CELSR3: variants seen among roughly 807,000 people sequenced by gnomAD.
CELSR3 encodes EGF-like protein 1.
In CELSR3, 73 loss-of-function variants were observed where a neutral mutation model predicts 270.0. The ratio of observed to expected loss-of-function variants is 0.27; its 90% CI spans 0.22 to 0.33. The LOEUF (loss-of-function observed/expected upper bound fraction) is 0.33, where lower values mean the gene tolerates loss of function less well. Among genes scored for constraint, CELSR3 ranks in the 10% least tolerant of loss-of-function variants. The pLI, the probability that CELSR3 is intolerant of heterozygous loss-of-function variation, is 1.00. For missense variants in CELSR3, 3,614 were observed against 4,533.8 expected, an observed-to-expected ratio of 0.80 and a Z score of 5.83; for synonymous variants, 1,780 against 1,905.4, an observed-to-expected ratio of 0.93 and a Z score of 1.71.
rs1575537721 is a variant in CELSR3 at position 48,640,940 on chromosome 3, G to T, written c.9026-381C>A. ...GTCCCCAGGTCCCTGTGATGCAAGG[G>T]TGAGGGCAGAAACCTCTTCTCCGGG... is the stretch of plus-strand genomic sequence containing the variant. On this transcript the variant is annotated intron_variant, in intron 33 of 34. Coordinates refer to ENST00000164024, the MANE Select transcript of CELSR3 (RefSeq NM_001407.3). This position sits in a 1 kb window ranked among gnomAD's most constrained non-coding sequence, Gnocchi z 7.5. 4 of 383,718 alleles carry T rather than the reference G, an allele frequency of 1.0e-5. No individual in the cohort carries two copies. The East Asian group carries it at 1.9e-4, about 18-fold the overall frequency. 23.8% of individuals were successfully genotyped at this position (383,718 alleles called of 1,614,324 possible). A position where few individuals can be genotyped will look rare whatever the true frequency, so the allele number is the denominator to read the frequency against.
chr3:48,639,909 C>T lies in CELSR3; in HGVS notation c.9676G>A (p.Ala3226Thr), dbSNP rs1301728430. 1 of 1,613,068 alleles carries T rather than the reference C, an allele frequency of 6.2e-7. No individual in the cohort carries two copies. The highest frequency in any genetic ancestry group is 1.1e-5 in the South Asian group (1 of 91,090). Residue 3226 changes from alanine to threonine, a missense_variant, in exon 34 of 35, where the codon GCT (alanine) becomes ACT (threonine). Ala to Thr is a moderately conservative substitution (Grantham distance 58). This residue lies in a region of CELSR3 where 1,240 missense variants were observed against 1,351.7 expected (regional missense o/e 0.92). Coordinates refer to ENST00000164024, the MANE Select transcript of CELSR3 (RefSeq NM_001407.3). This position sits in a 1 kb window ranked among gnomAD's most constrained non-coding sequence, Gnocchi z 4.1. The part of the protein sequence containing the change: ...ALGPLPQLLR[A>T]REDSVSGPSH... ...GGGCCACTGACCGAGTCCTCCCTAGCTCTGAGCAGCTGCGGGAGTGGCCCA... is the reference window on the plus strand; with the variant it reads ...GGGCCACTGACCGAGTCCTCCCTAGTTCTGAGCAGCTGCGGGAGTGGCCCA...
rs1458255296 is a variant in CELSR3 at position 48,654,313 on chromosome 3, C to T, written c.5128G>A (p.Val1710Ile). Residue 1710 changes from valine (V) to isoleucine (I), a missense_variant, in exon 7 of 35, where the codon GTC (valine) becomes ATC (isoleucine). Val to Ile is a conservative substitution (Grantham distance 29, BLOSUM62 3). Coordinates refer to ENST00000164024, the MANE Select transcript of CELSR3 (RefSeq NM_001407.3). This position sits in a 1 kb window ranked among gnomAD's most constrained non-coding sequence, Gnocchi z 5.4. ...DGRRVDMAAFVANNGTMAGCQ... is the reference protein window; with the variant it reads ...DGRRVDMAAFIANNGTMAGCQ... ...CCTGCCATGGTGCCATTATTTGCGA[C>T]AAAAGCCGCCATGTCCACTCGGCGG... is the stretch of plus-strand genomic sequence containing the variant. 6.2e-7 allele frequency: 1 copy of T among 1,613,824 alleles called. No individual in the cohort carries two copies. Among genetic ancestry groups the T allele is most frequent in the Non-Finnish European group, 8.5e-7 (1 of 1,180,026 alleles).
In CELSR3 at chr3:48,652,434, C is replaced by G. The variant is rs1559479665; in HGVS notation, c.5751+3G>C. The G allele has an allele frequency of 3.1e-6, 5 of 1,607,752 alleles. No individual in the cohort carries two copies. Among genetic ancestry groups the G allele is most frequent in the Admixed American group, 3.3e-5 (2 of 59,988 alleles). On this transcript the variant is annotated splice_donor_region_variant and intron_variant, in intron 11 of 34. Transcript: ENST00000164024. This position sits in a 1 kb window ranked among gnomAD's most constrained non-coding sequence, Gnocchi z 4.3. The stretch of plus-strand genomic sequence containing the variant: ...CATATCACATTCCCATGCTGACCCC[C>G]ACCTGGATGCAGCCAACCAGACCCT...
In CELSR3 at chr3:48,641,097, C is replaced by T; in HGVS notation, c.9025+227G>A. 5.3e-6 allele frequency: 3 copies of T among 562,054 alleles called. No individual in the cohort carries two copies. The highest frequency in any genetic ancestry group is 9.5e-6 in the Non-Finnish European group (3 of 316,542). The allele number at this position is 562,054 out of a possible 1,614,324, so 34.8% of individuals were successfully genotyped here. A position where few individuals can be genotyped will look rare whatever the true frequency, so the allele number is the denominator to read the frequency against. ...AGATGGGCTGGGGCAGGAGTGGTCG[C>T]CTGTGGTCCCCCTGTGGTGCTGGCC... On this transcript the variant is annotated intron_variant, in intron 33 of 34. Coordinates refer to ENST00000164024, the MANE Select transcript of CELSR3 (RefSeq NM_001407.3). This position sits in a 1 kb window ranked among gnomAD's most constrained non-coding sequence, Gnocchi z 4.8.
In CELSR3 at chr3:48,655,169, G is replaced by A; in HGVS notation, c.4863C>T (p.Gly1621=). 1 of 1,613,932 alleles carries A rather than the reference G, an allele frequency of 6.2e-7. No individual in the cohort carries two copies. Among genetic ancestry groups the A allele is most frequent in the Non-Finnish European group, 8.5e-7 (1 of 1,179,928 alleles). Residue 1621 remains glycine (G), a synonymous_variant, in exon 6 of 35, where the codon GGC becomes GGT. Transcript: ENST00000164024. This position sits in a 1 kb window ranked among gnomAD's most constrained non-coding sequence, Gnocchi z 5.8. ...GCACAGCCACCTTGTCCTTGGAGGG[G>A]CCCTGTGCACCCCCTAGGGCATCTG... ...PRTDALGGAQ[G]PSKDKVAVLS...
In CELSR3 at chr3:48,654,202, G is replaced by C. The variant is rs1404866420; in HGVS notation, c.5152+87C>G. ...ATGGTGCTTGCCACCAAAGGAGACT[G>C]GCTTGAAGTCAGGTATGGAGTCCTC... On this transcript the variant is annotated intron_variant, in intron 7 of 34. Coordinates refer to ENST00000164024, the MANE Select transcript of CELSR3 (RefSeq NM_001407.3). This position sits in a 1 kb window ranked among gnomAD's most constrained non-coding sequence, Gnocchi z 5.4. 22 of 1,564,290 alleles carry C rather than the reference G, an allele frequency of 1.4e-5. No individual in the cohort carries two copies. Among genetic ancestry groups the C allele is most frequent in the Non-Finnish European group, 1.5e-5 (17 of 1,147,606 alleles).
chr3:48,641,890 G>A lies in CELSR3; in HGVS notation c.8785C>T (p.Arg2929Ter). The A allele has an allele frequency of 1.3e-6, 2 of 1,563,450 alleles. No homozygotes were observed. Among genetic ancestry groups the A allele is most frequent in the Non-Finnish European group, 1.7e-6 (2 of 1,155,810 alleles). Residue 2929 changes from arginine to a stop codon, truncating the protein, a stop_gained, in exon 32 of 35, where the codon CGA becomes TGA. Transcript: ENST00000164024. LOFTEE classifies it high-confidence loss of function. This position sits in a 1 kb window ranked among gnomAD's most constrained non-coding sequence, Gnocchi z 4.8. ...TRGRFQRPLC[R>*]AAQSERLLTH... The stretch of plus-strand genomic sequence containing the variant: ...AGGAGCCTCTCACTCTGGGCTGCTC[G>A]GCAGAGTGGCCGTTGGAAGCGCCCC...
Position 48,658,764 on chromosome 3 carries a change from C to A in CELSR3, c.3748+123G>T. On this transcript the variant is annotated intron_variant, in intron 1 of 34. Coordinates refer to ENST00000164024, the MANE Select transcript of CELSR3 (RefSeq NM_001407.3). This position sits in a 1 kb window ranked among gnomAD's most constrained non-coding sequence, Gnocchi z 4.7. ...TGGCAGATCTTGTAGGGTGCAGGAA[C>A]CCTACCCTTAAGGGGTTCTTGGAAG... The A allele has an allele frequency of 1.7e-6, 2 of 1,207,628 alleles. No homozygotes were observed. The highest frequency in any genetic ancestry group is 2.3e-6 in the Non-Finnish European group (2 of 861,100). The allele number at this position is 1,207,628 out of a possible 1,614,324, so 74.8% of individuals were successfully genotyped here.
Position 48,661,501 on chromosome 3 carries a change from G to A in CELSR3, c.1134C>T (p.Ile378=). The change falls in exon 1 of 35, where the codon ATC becomes ATT. Residue 378 remains isoleucine (I), a synonymous_variant. Coordinates refer to ENST00000164024, the MANE Select transcript of CELSR3 (RefSeq NM_001407.3). ...TACGGATAAGGCCGCTCTGCGGGTC[G>A]ATGCTGAACAGCTCCAGCGAGCGGC... is the stretch of plus-strand genomic sequence containing the variant. ...MNSRSLELFS[I]DPQSGLIRTA... 1 of 1,599,712 alleles carries A rather than the reference G, an allele frequency of 6.3e-7. No homozygotes were observed. Among genetic ancestry groups the A allele is most frequent in the Non-Finnish European group, 8.5e-7 (1 of 1,173,076 alleles).
In CELSR3 at chr3:48,655,457, A is replaced by G; in HGVS notation, c.4742-63T>C. ...GGAGTCGCCCCATCCCACCCGTCAT[A>G]TAAGCACAACCATTCCCAGGGCCAC... On this transcript the variant is annotated intron_variant, in intron 4 of 34. Transcript: ENST00000164024. The surrounding 1 kb of genome is among the most constrained non-coding windows in gnomAD (Gnocchi z 5.8). The G allele has an allele frequency of 1.6e-5, 25 of 1,545,440 alleles. No individual in the cohort carries two copies. The highest frequency in any genetic ancestry group is 2.2e-5 in the Non-Finnish European group (25 of 1,119,560).
In CELSR3 at chr3:48,661,870, A is replaced by C. The variant is rs764953558; in HGVS notation, c.765T>G (p.Ala255=). The stretch of plus-strand genomic sequence containing the variant: ...CGCGGGGTGCTGAACCTGATGCAGG[A>C]GCTGTCCTCGCCGTGCGTGGTGCTG... ...LDSAPRTART[A]PASGSAPRES... Residue 255 remains alanine (A), a synonymous_variant, in exon 1 of 35, where the codon GCT becomes GCG. Coordinates refer to ENST00000164024, the MANE Select transcript of CELSR3 (RefSeq NM_001407.3). The C allele has an allele frequency of 9.9e-6, 16 of 1,610,964 alleles. No homozygotes were observed. The highest frequency in any genetic ancestry group is 2.7e-5 in the African/African-American group (2 of 74,882).
In CELSR3 at chr3:48,654,936, G is replaced by A; in HGVS notation, c.4988+108C>T. The A allele has an allele frequency of 2.1e-5, 24 of 1,163,466 alleles. No individual in the cohort carries two copies. The highest frequency in any genetic ancestry group is 3.0e-5 in the Non-Finnish European group (24 of 787,748). 72.1% of individuals were successfully genotyped at this position (1,163,466 alleles called of 1,614,324 possible). On this transcript the variant is annotated intron_variant, in intron 6 of 34. Transcript: ENST00000164024. This position sits in a 1 kb window ranked among gnomAD's most constrained non-coding sequence, Gnocchi z 5.4. ...AGGAGAGGGGAATCTTGGTGGTTTG[G>A]GGGAAAGATGGGAGAGTTTGGCAGG...
rs1357579404 is a variant in CELSR3, at chr3:48,640,582, G to A, written c.9026-23C>T. On this transcript the variant is annotated intron_variant, in intron 33 of 34. Coordinates refer to ENST00000164024, the MANE Select transcript of CELSR3 (RefSeq NM_001407.3). The surrounding 1 kb of genome is among the most constrained non-coding windows in gnomAD (Gnocchi z 7.5). ...TGCCTGTGAGAGGAAGAAAATGGGGGGCAGGGTTTGTGTGGGAGGGGGAGG... is the reference window on the plus strand; with the variant it reads ...TGCCTGTGAGAGGAAGAAAATGGGGAGCAGGGTTTGTGTGGGAGGGGGAGG... The A allele has an allele frequency of 5.2e-6, 8 of 1,529,098 alleles. No homozygotes were observed. The highest frequency in any genetic ancestry group is 7.1e-6 in the Non-Finnish European group (8 of 1,133,514). 94.7% of individuals were successfully genotyped at this position (1,529,098 alleles called of 1,614,324 possible).
In CELSR3 at chr3:48,642,749, G is replaced by C; in HGVS notation, c.8542C>G (p.Arg2848Gly). Residue 2848 changes from arginine to glycine, a missense_variant, in exon 30 of 35, where the codon CGC becomes GGC. Arg to Gly is a moderately radical substitution (Grantham distance 125). Transcript: ENST00000164024. This position sits in a 1 kb window ranked among gnomAD's most constrained non-coding sequence, Gnocchi z 6.1. ...RTQDQDSQRG[R>G]SYLRDNVLVR... Reference sequence around the variant, plus strand: ...TCTTCCTCTCACCTGAGGTAGCTGCGGCCCCGCTGGCTGTCCTGGTCCTGG... The same window carrying C: ...TCTTCCTCTCACCTGAGGTAGCTGCCGCCCCGCTGGCTGTCCTGGTCCTGG... 6.2e-7 allele frequency: 1 copy of C among 1,610,862 alleles called. No homozygotes were observed. The highest frequency in any genetic ancestry group is 8.5e-7 in the Non-Finnish European group (1 of 1,179,710).
In CELSR3 at chr3:48,657,192, A is replaced by G; in HGVS notation, c.3905T>C (p.Val1302Ala). 2.5e-6 allele frequency: 4 copies of G among 1,613,866 alleles called. No individual in the cohort carries two copies. In the South Asian group the frequency reaches 3.3e-5, roughly 13 times the overall value. ...GACGTCCTCAGCGGGCGTAGCGAGC[A>G]CCGCAGCCACGCCCTCGAGGAAGCG... ...LGRFLEGVAA[V>A]LATPAEDVFI... Residue 1302 changes from valine to alanine, a missense_variant, in exon 2 of 35, where the codon GTG (valine) becomes GCG (alanine). Coordinates refer to ENST00000164024, the MANE Select transcript of CELSR3 (RefSeq NM_001407.3). This position sits in a 1 kb window ranked among gnomAD's most constrained non-coding sequence, Gnocchi z 5.4.
rs756074917 is a variant in CELSR3, at chr3:48,654,471, G to A, written c.4989-19C>T. The stretch of plus-strand genomic sequence containing the variant: ...CAGGGACCTGGGGATCAGGGGTCTG[G>A]GTCATTGGTGGGACTGGGGCCAGAG... On this transcript the variant is annotated intron_variant, in intron 6 of 34. Coordinates refer to ENST00000164024, the MANE Select transcript of CELSR3 (RefSeq NM_001407.3). This position sits in a 1 kb window ranked among gnomAD's most constrained non-coding sequence, Gnocchi z 5.4. 3.9e-6 allele frequency: 6 copies of A among 1,553,224 alleles called. No individual in the cohort carries two copies. Among genetic ancestry groups the A allele is most frequent in the Non-Finnish European group, 5.2e-6 (6 of 1,147,822 alleles).
Position 48,657,795 on chromosome 3 carries a change from G to A in CELSR3, c.3749-447C>T, listed in dbSNP as rs1295752387. 6.6e-6 allele frequency among the ~76,000 whole-genome samples: 1 copy of A among 152,094 alleles called. No homozygotes were observed. The highest frequency in any genetic ancestry group is 2.4e-5 in the African/African-American group (1 of 41,410). ...CCCCTCCTCCAGCATAGCAGAACCA[G>A]CAAAACATCCCCCTCCAGAAAAGAA... On this transcript the variant is annotated intron_variant, in intron 1 of 34. Transcript: ENST00000164024. The surrounding 1 kb of genome is among the most constrained non-coding windows in gnomAD (Gnocchi z 5.4).
Position 48,653,235 on chromosome 3 carries a change from G to A in CELSR3, c.5449-48C>T. 1.3e-6 allele frequency: 2 copies of A among 1,562,018 alleles called. No homozygotes were observed. Among genetic ancestry groups the A allele is most frequent in the Non-Finnish European group, 1.8e-6 (2 of 1,139,008 alleles). On this transcript the variant is annotated intron_variant, in intron 9 of 34. Transcript: ENST00000164024. The surrounding 1 kb of genome is among the most constrained non-coding windows in gnomAD (Gnocchi z 6.5). ...CTGGGGTTAGAGCCCCATGTGGGCT[G>A]GGACTTGGAGGTGAGATCAGAGGGC... is the stretch of plus-strand genomic sequence containing the variant.
rs780358837 is a variant in CELSR3, at chr3:48,659,770, A to T, written c.2865T>A (p.Asn955Lys). ...TYVEVMVNDV[N>K]DNAPQFVASH... is the part of the protein sequence containing the mutation. ...AGGCCACAAATTGTGGAGCATTGTCATTCACGTCATTGACCATCACCTCCA... is the reference window on the plus strand; with the variant it reads ...AGGCCACAAATTGTGGAGCATTGTCTTTCACGTCATTGACCATCACCTCCA... The change falls in exon 1 of 35, where the codon AAT becomes AAA. Residue 955 changes from asparagine to lysine, a missense_variant. By Grantham distance (94) the Asn-to-Lys change is moderately conservative. Around this residue, in one of 7 missense-constraint regions of CELSR3, gnomAD observed 1,331 missense variants for 1,933.7 expected, o/e 0.69. Transcript: ENST00000164024. This position sits in a 1 kb window ranked among gnomAD's most constrained non-coding sequence, Gnocchi z 8.1. 1 of 1,614,236 alleles carries T rather than the reference A, an allele frequency of 6.2e-7. No homozygotes were observed. The highest frequency in any genetic ancestry group is 2.2e-5 in the East Asian group (1 of 44,888).
Sources: gnomAD v4.1 joint callset for allele counts (sites outside exome capture counted in the v4.1 genomes callset) on GRCh38, gnomAD v4.1.1 for gene constraint, gnomAD v4.1.1 regional missense constraint, Gnocchi (gnomAD v3.1) non-coding constraint, MANE v1.5 for transcripts, NCBI Gene and HGNC (gene_info 2026-07-23, HGNC 2026-07-21) for gene names.